Variants in ST8SIA1 observed in about 807,000 individuals in gnomAD.
ST8SIA1 encodes the protein ST8 alpha-N-acetyl-neuraminide alpha-2,8-sialyltransferase 1, also known as alpha-N-acetylneuraminide alpha-2,8-sialyltransferase.
In ST8SIA1, 16 loss-of-function variants were observed where a neutral mutation model predicts 35.9. The observed-to-expected ratio is 0.45, with a 90% CI of 0.30 to 0.68. ST8SIA1 has a LOEUF of 0.68. ST8SIA1 is among the 30% of genes least tolerant of loss of function. The pLI is 0.09. For missense variants in ST8SIA1, 383 were observed against 453.6 expected (o/e 0.84, Z 1.41); for synonymous variants, 170 against 169.6 (o/e 1.00, Z -0.02).
chr12:22,227,672 A>G (rs1341005020), intron 4 of ST8SIA1, among the ~76,000 whole-genome samples: 1 of 152,236 alleles, frequency 6.6e-6, no homozygotes, highest in East Asian at 1.9e-4. Context: ...AAAAACAAAC[A>G]TAAAGCAAGA....
chr12:22,256,834 G>C (rs1410781669), intron 2 of ST8SIA1, among the ~76,000 whole-genome samples: 2 of 152,174 alleles, frequency 1.3e-5, no homozygotes, highest in South Asian at 2.1e-4. Context: ...CCAGAGACCA[G>C]CCCAACAAAC....
chr12:22,230,446 T>C (rs1865406713), intron 4 of ST8SIA1, among the ~76,000 whole-genome samples: 1 of 152,122 alleles, frequency 6.6e-6, no homozygotes, highest in Non-Finnish European at 1.5e-5. Flanking sequence ...AGGTCAGCCC[T>C]AGGAATAACT....
chr12:22,230,511 G>A lies in ST8SIA1; in HGVS notation c.584+18495C>T, dbSNP rs550361588. 2.6e-4 allele frequency among the ~76,000 whole-genome samples: 40 copies of A among 152,164 alleles called. 1 individual carries two copies. Among genetic ancestry groups the A allele is most frequent in the Admixed American group, 2.3e-3 (35 of 15,280 alleles). ...ATGAAGGATTCCTTTCCAATCCCCCGTCTAAAATCCCCTGCCCAGCCCTCA... is the reference window on the plus strand; with the variant it reads ...ATGAAGGATTCCTTTCCAATCCCCCATCTAAAATCCCCTGCCCAGCCCTCA... On this transcript the variant is annotated intron_variant, in intron 4 of 4. Coordinates refer to ENST00000396037, the MANE Select transcript of ST8SIA1 (RefSeq NM_003034.4).
chr12:22,297,775 T>C (rs1866264149), intron 1 of ST8SIA1, among the ~76,000 whole-genome samples: 1 of 152,160 alleles, frequency 6.6e-6, no homozygotes, highest in East Asian at 1.9e-4. Context: ...TTTGACCCCG[T>C]TTCCTGGCAT....
At chr12:22,274,546 G>A (rs1056525111) in intron 2 of ST8SIA1, among the ~76,000 whole-genome samples, 6 of 152,160 alleles carry the variant, frequency 3.9e-5, no homozygotes, top group African/African-American at 1.4e-4. Flanking sequence ...AATAAGAATA[G>A]CGAAAAGAAA....
chr12:22,258,694 T>C (rs1865754183), intron 2 of ST8SIA1, among the ~76,000 whole-genome samples: 1 of 152,180 alleles, frequency 6.6e-6, no homozygotes, highest in Non-Finnish European at 1.5e-5. Flanking sequence ...TATAGCTTAT[T>C]TGAAAAATCT....
intron 4 of ST8SIA1, among the ~76,000 whole-genome samples, chr12:22,222,164 T>C (rs1306055454): frequency 6.6e-6 from 1 of 152,216 alleles, no homozygotes; most frequent in African/African-American, 2.4e-5. Context: ...TGTTTTATTA[T>C]TGGGTTAATT....
At chr12:22,207,255 C>G (rs781539754) in intron 4 of ST8SIA1, among the ~76,000 whole-genome samples, 1 of 152,188 alleles carries the variant, frequency 6.6e-6, no homozygotes, top group African/African-American at 2.4e-5. Context: ...CTGTAATAAA[C>G]TTTTTATCTC....
chr12:22,245,620 C>T (rs756685123), intron 4 of ST8SIA1, among the ~76,000 whole-genome samples: 3 of 152,274 alleles, frequency 2.0e-5, no homozygotes, highest in South Asian at 2.1e-4. Flanking sequence ...TCTTCGACTT[C>T]GTAACTCCTA....
chr12:22,229,662 T>C (rs1865395776), intron 4 of ST8SIA1, among the ~76,000 whole-genome samples: 1 of 149,282 alleles, frequency 6.7e-6, no homozygotes, highest in South Asian at 2.1e-4. Flanking sequence ...TTATCCACCA[T>C]GATGGCTTGA....
intron 1 of ST8SIA1, among the ~76,000 whole-genome samples, chr12:22,292,167 A>C (rs1866184593): frequency 6.6e-6 from 1 of 152,198 alleles, no homozygotes; most frequent in Non-Finnish European, 1.5e-5. Context: ...CTTGTTATGA[A>C]GAACTGAAAG....
intron 2 of ST8SIA1, among the ~76,000 whole-genome samples, chr12:22,269,643 A>G (rs1410255021): frequency 6.6e-6 from 1 of 152,232 alleles, no homozygotes; most frequent in African/African-American, 2.4e-5. Flanking sequence ...TGTTATAAAC[A>G]TCTTTGAATT....
intron 1 of ST8SIA1, among the ~76,000 whole-genome samples, chr12:22,297,867 G>A (rs1447792240): frequency 1.3e-5 from 2 of 152,066 alleles, no homozygotes; most frequent in East Asian, 1.9e-4. Context: ...AGACCCCTAG[G>A]TAGATTCAGG....
At chr12:22,252,286 T>A (rs1865680246) in intron 3 of ST8SIA1, among the ~76,000 whole-genome samples, 1 of 152,214 alleles carries the variant, frequency 6.6e-6, no homozygotes, top group Non-Finnish European at 1.5e-5. Context: ...TTACACACCC[T>A]ACAGTCTAGG....
intron 1 of ST8SIA1, among the ~76,000 whole-genome samples, chr12:22,321,003 GAA>G (rs1391212944): frequency 1.3e-5 from 1 of 76,566 alleles, no homozygotes; most frequent in African/African-American, 4.8e-5. Context: ...AAGAAAGAAA[GAA>G]GAAAGAAAGA....
At chr12:22,234,529 T>C (rs1284668200) in intron 4 of ST8SIA1, among the ~76,000 whole-genome samples, 1 of 152,232 alleles carries the variant, frequency 6.6e-6, no homozygotes, top group African/African-American at 2.4e-5. Context: ...TATGTTGCTT[T>C]ACAAGAAAAT....
At position 22,334,388 on chromosome 12, in the gene ST8SIA1, C is replaced by T. The variant is rs1866819241; in HGVS notation, c.-156G>A. 1.6e-6 allele frequency: 1 copy of T among 619,614 alleles called. No homozygotes were observed. The highest frequency in any genetic ancestry group is 2.9e-5 in the Admixed American group (1 of 33,960). 38.4% of individuals were successfully genotyped at this position (619,614 alleles called of 1,614,324 possible). On this transcript the variant is annotated 5_prime_UTR_variant, in exon 1 of 5. Coordinates refer to ENST00000396037, the MANE Select transcript of ST8SIA1 (RefSeq NM_003034.4). ...CACGCTTCTTCGGCCCCGTCGGCCC[C>T]AAAGGTCAGCGCAAGGATTTTTTCA...
rs927219479 is a variant in ST8SIA1, at chr12:22,201,450, G to C, written c.*102C>G. 6.9e-7 allele frequency: 1 copy of C among 1,440,092 alleles called. No homozygotes were observed. The highest frequency in any genetic ancestry group is 9.3e-7 in the Non-Finnish European group (1 of 1,077,460). 89.2% of individuals were successfully genotyped at this position (1,440,092 alleles called of 1,614,324 possible). The stretch of plus-strand genomic sequence containing the variant: ...ATTGCTCCTTTCCTGTTTTTCCAAG[G>C]GCCCATGCAAACTCATGAAACAACT... On this transcript the variant is annotated 3_prime_UTR_variant, in exon 5 of 5. Coordinates refer to ENST00000396037, the MANE Select transcript of ST8SIA1 (RefSeq NM_003034.4).
At chr12:22,245,477 TGAA>T (rs1323200978) in intron 4 of ST8SIA1, among the ~76,000 whole-genome samples, 1 of 152,240 alleles carries the variant, frequency 6.6e-6, no homozygotes, top group Admixed American at 6.5e-5. Flanking sequence ...TTTTTTAAAA[TGAA>T]GAAACTTTCA....
Sources: allele counts gnomAD v4.1 joint callset (sites outside exome capture counted in the v4.1 genomes callset), GRCh38; gene constraint gnomAD v4.1.1; transcripts MANE v1.5; gene names NCBI Gene and HGNC (gene_info 2026-07-23, HGNC 2026-07-21).